The following TRABD variants were observed in gnomAD, a reference collection of about 807,000 sequenced individuals.
TRABD encodes TraB domain containing.
Under a neutral mutation model 39.6 loss-of-function variants are expected in TRABD, and 23 were observed. The observed-to-expected ratio is 0.58, with a 90% CI of 0.42 to 0.82. The LOEUF (loss-of-function observed/expected upper bound fraction) is 0.82. Ranked by LOEUF, TRABD falls within the 40% of genes least tolerant of loss-of-function variation. The probability of loss-of-function intolerance (pLI) is 0.00; values close to 1 mark genes in which losing one functional copy is unlikely to be tolerated. For missense variants in TRABD, 487 were observed against 544.9 expected, an observed-to-expected ratio of 0.89 and a Z score of 1.06; for synonymous variants, 243 against 232.1, an observed-to-expected ratio of 1.05 and a Z score of -0.43.
intron 5 of TRABD, among the ~76,000 whole-genome samples, chr22:50,196,379 G>A (rs73893134): frequency 0.03 from 4,606 of 152,346 alleles, 218 homozygotes; most frequent in African/African-American, 0.11. Context: ...GGCCCAGACC[G>A]TCCCTGGGCG....
At chr22:50,190,807 G>T (rs1427204476) in intron 1 of TRABD, among the ~76,000 whole-genome samples, 3 of 152,232 alleles carry the variant, frequency 2.0e-5, no homozygotes, top group Non-Finnish European at 4.4e-5. Context: ...GTGGGTTCCG[G>T]TCGGGTTGCA....
chr22:50,197,582 C>T lies in TRABD; in HGVS notation c.665C>T (p.Pro222Leu). 1 of 1,613,078 alleles carries T rather than the reference C, an allele frequency of 6.2e-7. No individual in the cohort carries two copies. Among genetic ancestry groups the T allele is most frequent in the Non-Finnish European group, 8.5e-7 (1 of 1,179,912 alleles). Reference protein sequence around the residue: ...LAWGLCFLSDPISKDDVERCK... With the variant: ...LAWGLCFLSDLISKDDVERCK... ...TGGGGCCTGTGCTTCCTGTCAGACC[C>T]CATCAGGTAGGGCTGCCCCCGGGAC... Residue 222 changes from proline to leucine, a missense_variant, in exon 7 of 10, where the codon CCC becomes CTC. Pro to Leu is a moderately conservative substitution (Grantham distance 98, BLOSUM62 -3). Coordinates refer to ENST00000380909, the MANE Select transcript of TRABD (RefSeq NM_001320485.2).
At chr22:50,191,900 G>C (rs2063918313) in intron 1 of TRABD, 1 of 152,168 alleles carries the variant, frequency 6.6e-6, no homozygotes. Flanking sequence ...TTACGGGTGT[G>C]CACCACCACG....
At chr22:50,196,850 A>C (rs2064129190) in intron 5 of TRABD, 1 of 169,752 alleles carries the variant, frequency 5.9e-6, no homozygotes, top group Admixed American at 6.1e-5. Flanking sequence ...ACCCGCCAGC[A>C]CACCCGGCTA....
At chr22:50,195,928 C>T (rs988709342) in intron 5 of TRABD, among the ~76,000 whole-genome samples, 69 of 152,318 alleles carry the variant, frequency 4.5e-4, no homozygotes, top group African/African-American at 1.7e-3. Flanking sequence ...AGGCAAGTCA[C>T]CAAAGAAGAC....
chr22:50,197,764 G>GGCCCCCCCCCCCCC lies in TRABD; in HGVS notation c.672-59_672-58insGCCCCCCCCCCCCC. ...TCCCTGCCCGGTGTCCACAGTGCCA[G>GGCCCCCCCCCCCCC]CCCCACCCCCCCAGCCCGTTGCCCA... On this transcript the variant is annotated intron_variant, in intron 7 of 9. Transcript: ENST00000380909. 3.1e-6 allele frequency: 4 copies of GGCCCCCCCCCCCCC among 1,284,782 alleles called. No individual in the cohort carries two copies. In the African/African-American group the frequency reaches 4.4e-5, roughly 14 times the overall value. The allele number at this position is 1,284,782 out of a possible 1,614,324, so 79.6% of individuals were successfully genotyped here.
Position 50,198,452 on chromosome 22 carries a change from GCCTGGT to G in TRABD, c.1069_1074del (p.Val357_Leu358del). The G allele has an allele frequency of 6.3e-7, 1 of 1,595,426 alleles. No individual in the cohort carries two copies. On this transcript the variant is annotated inframe_deletion, in exon 10 of 10. Transcript: ENST00000380909. The surrounding 1 kb of genome is among the most constrained non-coding windows in gnomAD (Gnocchi z 7.9). The stretch of plus-strand genomic sequence containing the variant: ...TACTGGATGGGCCGCCGCACCGCGA[GCCTGGT>G]CCTGTCGCTGCCCGCCGCGCAGTAC...
rs4838813 is a variant in TRABD, at chr22:50,194,440, C to T, written c.213C>T (p.Asp71=). 92,491 of 1,611,710 alleles carry T rather than the reference C, an allele frequency of 0.057. 3,071 individuals are homozygous for T. The highest frequency in any genetic ancestry group is 0.15 in the Middle Eastern group (901 of 6,058). The change falls in exon 4 of 10, where the codon GAC becomes GAT. Residue 71 remains aspartate, a synonymous_variant. Transcript: ENST00000380909. ...CTGTGACCCAGTTGGTGGCTGAGGACGGGAGCAGGGTGTACGTGGTGGGGA... is the reference window on the plus strand; with the variant it reads ...CTGTGACCCAGTTGGTGGCTGAGGATGGGAGCAGGGTGTACGTGGTGGGGA... ...PRTVTQLVAE[D]GSRVYVVGTA... is the part of the protein sequence containing the mutation.
chr22:50,197,191 G>GCGGGGGC, intron 5 of TRABD, 50 bp from the exon 6 acceptor site: 2 of 1,553,434 alleles, frequency 1.3e-6, no homozygotes, highest in African/African-American at 2.7e-5. Context: ...TTCCCCCAGC[G>GCGGGGGC]CACCCCCGCA....
At position 50,186,282 on chromosome 22, in the gene TRABD, C is replaced by T. The variant is rs1289515933; in HGVS notation, c.-35+306C>T. 4.9e-5 allele frequency among the ~76,000 whole-genome samples: 5 copies of T among 102,912 alleles called. No individual in the cohort carries two copies. The South Asian group carries it at 1.7e-3, about 34-fold the overall frequency. The allele number at this position is 102,912 out of a possible 152,430, so 67.5% of individuals were successfully genotyped here. ...GACCAGGGTCGTTGGGGGCCGGGCCCGGGTCAGGTTTGGGGGCCGGGGTGG... is the reference window on the plus strand; with the variant it reads ...GACCAGGGTCGTTGGGGGCCGGGCCTGGGTCAGGTTTGGGGGCCGGGGTGG... On this transcript the variant is annotated intron_variant, in intron 1 of 9. Coordinates refer to ENST00000380909, the MANE Select transcript of TRABD (RefSeq NM_001320485.2).
At chr22:50,188,357 C>G (rs1386072169) in intron 1 of TRABD, among the ~76,000 whole-genome samples, 2 of 152,210 alleles carry the variant, frequency 1.3e-5, no homozygotes, top group Non-Finnish European at 2.9e-5. Context: ...ATTCTCCTAC[C>G]TCAGCCTCTC....
At chr22:50,197,764 G>GCCCCCCCCCCCCCACCCCCTT in intron 7 of TRABD, 59 bp from the exon 8 acceptor site, 1 of 1,284,796 alleles carries the variant, frequency 7.8e-7, no homozygotes, top group Non-Finnish European at 1.1e-6. Flanking sequence ...CACAGTGCCA[G>GCCCCCCCCCCCCCACCCCCTT]CCCCACCCCC....
intron 5 of TRABD, among the ~76,000 whole-genome samples, chr22:50,195,883 GGCGCCT>G (rs139789449): frequency 0.024 from 3,642 of 152,250 alleles, 62 homozygotes; most frequent in Non-Finnish European, 0.037. Flanking sequence ...CTAAACGTTT[GGCGCCT>G]GCCTTTCATT....
At chr22:50,195,309 C>T (rs2064060476) in intron 5 of TRABD, among the ~76,000 whole-genome samples, 1 of 151,032 alleles carries the variant, frequency 6.6e-6, no homozygotes, top group African/African-American at 2.4e-5. Context: ...TGAGCAGTTG[C>T]TGGGGATGGG....
At position 50,197,946 on chromosome 22, in the gene TRABD, C is replaced by T. The variant is rs756483136; in HGVS notation, c.795C>T (p.Tyr265=). ...CGGAGCGCGACGTCTACCTAACCTA[C>T]ATGCTGCGCCAGGCCGCGCGGCGCC... is the stretch of plus-strand genomic sequence containing the variant. ...IVSERDVYLT[Y]MLRQAARRLE... The change falls in exon 8 of 10, where the codon TAC becomes TAT. Residue 265 remains tyrosine, a synonymous_variant. Transcript: ENST00000380909. 2.5e-6 allele frequency: 4 copies of T among 1,612,936 alleles called. No homozygotes were observed. The Admixed American group carries it at 6.7e-5, about 27-fold the overall frequency.
chr22:50,191,331 GCTC>G (rs1462926808), intron 1 of TRABD, among the ~76,000 whole-genome samples: 1 of 152,196 alleles, frequency 6.6e-6, no homozygotes, highest in Non-Finnish European at 1.5e-5. Context: ...TGCACAGAGA[GCTC>G]CTTCCTGTTC....
At chr22:50,197,766 C>CCCCCCCCCCCCCCCCCCATGG in intron 7 of TRABD, 57 bp from the exon 8 acceptor site, 1 of 925,780 alleles carries the variant, frequency 1.1e-6, no homozygotes, top group Non-Finnish European at 1.7e-6. Context: ...CAGTGCCAGC[C>CCCCCCCCCCCCCCCCCCATGG]CCACCCCCCC....
At chr22:50,195,154 C>T (rs2064055567) in intron 5 of TRABD, 114 bp downstream of exon 5, 4 of 1,363,578 alleles carry the variant, frequency 2.9e-6, no homozygotes, top group Non-Finnish European at 3.9e-6. Flanking sequence ...CTGTGCCTGG[C>T]CTGCCCTGGG....
chr22:50,189,303 A>C (rs368866095), intron 1 of TRABD, among the ~76,000 whole-genome samples: 1 of 152,308 alleles, frequency 6.6e-6, no homozygotes, highest in African/African-American at 2.4e-5. Context: ...TGCCCAGAGC[A>C]TCCTGCCCAG....
Sources: allele counts gnomAD v4.1 joint callset (sites outside exome capture counted in the v4.1 genomes callset), GRCh38; gene constraint gnomAD v4.1.1; non-coding constraint Gnocchi (gnomAD v3.1); transcripts MANE v1.5; gene names NCBI Gene and HGNC (gene_info 2026-07-23, HGNC 2026-07-21).